Variants in PTPRD observed in about 807,000 individuals in gnomAD.
PTPRD encodes protein tyrosine phosphatase receptor type D, also known as receptor-type tyrosine-protein phosphatase delta.
Under a neutral mutation model 214.5 loss-of-function variants are expected in PTPRD, and 34 were observed. That is an observed-to-expected ratio of 0.16 (90% CI 0.12 to 0.21). The LOEUF is 0.21. Ranked by LOEUF, PTPRD falls within the 10% of genes least tolerant of loss-of-function variation. The pLI is 1.00. For synonymous variants in PTPRD, 1,128 were observed against 845.7 expected, an observed-to-expected ratio of 1.33 and a Z score of -5.79; for missense variants, 2,545 against 2,398.7, an observed-to-expected ratio of 1.06 and a Z score of -1.27.
chr9:8,575,686 C>A (rs370163053), intron 14 of PTPRD, among the ~76,000 whole-genome samples: 1 of 152,146 alleles, frequency 6.6e-6, no homozygotes, highest in East Asian at 1.9e-4. Flanking sequence ...AGAAGGCTCA[C>A]TTTTTGCTCA....
chr9:9,529,545 T>C lies in PTPRD; in HGVS notation c.-237+45187A>G, dbSNP rs186839690. ...AAAAGATGATCAACATCATTAGTCA[T>C]TGGAGAAATGCAAAACAAAACCACA... On this transcript the variant is annotated intron_variant, in intron 8 of 45. Transcript: ENST00000381196. Among the ~76,000 whole-genome samples, 16 of 152,172 alleles carry C rather than the reference T, an allele frequency of 1.1e-4. No homozygotes were observed. The East Asian group carries it at 2.5e-3, about 24-fold the overall frequency.
At chr9:9,818,808 C>T (rs894236997) in intron 5 of PTPRD, among the ~76,000 whole-genome samples, 3 of 149,502 alleles carry the variant, frequency 2.0e-5, no homozygotes, top group Non-Finnish European at 3.0e-5. Context: ...CCCAGCTACT[C>T]GGGAGGCTGA....
intron 36 of PTPRD, among the ~76,000 whole-genome samples, chr9:8,395,454 G>A (rs557912333): frequency 3.3e-5 from 5 of 151,518 alleles, no homozygotes; most frequent in East Asian, 3.9e-4. Context: ...CCTTTCCCCC[G>A]ACCCTTCACC....
intron 26 of PTPRD, among the ~76,000 whole-genome samples, chr9:8,494,956 C>T (rs1240822938): frequency 1.3e-5 from 2 of 152,116 alleles, no homozygotes; most frequent in African/African-American, 4.8e-5. Context: ...CCTGTCTCCA[C>T]TTTGCTTCTT....
At chr9:8,990,849 G>A (rs868738609) in intron 11 of PTPRD, among the ~76,000 whole-genome samples, 3 of 151,996 alleles carry the variant, frequency 2.0e-5, no homozygotes, top group South Asian at 2.1e-4. Flanking sequence ...GTCTACTGCC[G>A]TAAGATTATA....
chr9:8,466,982 G>C (rs2096557046), intron 31 of PTPRD, among the ~76,000 whole-genome samples: 1 of 151,826 alleles, frequency 6.6e-6, no homozygotes, highest in South Asian at 2.1e-4. Flanking sequence ...TTAGGAATTT[G>C]ATCGTACGTT....
At chr9:10,220,898 C>G (rs1024844639) in intron 3 of PTPRD, among the ~76,000 whole-genome samples, 29 of 150,918 alleles carry the variant, frequency 1.9e-4, no homozygotes, top group African/African-American at 6.6e-4. Context: ...AGAGAGAAAG[C>G]TAAAGGGCAC....
chr9:8,931,818 A>G (rs547345162), intron 11 of PTPRD, among the ~76,000 whole-genome samples: 34 of 152,158 alleles, frequency 2.2e-4, no homozygotes, highest in Non-Finnish European at 4.4e-4. Flanking sequence ...TTGGTAGGCT[A>G]TTGACTACTG....
intron 32 of PTPRD, 44 bp downstream of exon 32, chr9:8,465,422 T>G (rs756370103): frequency 7.7e-6 from 12 of 1,553,842 alleles, no homozygotes; most frequent in Non-Finnish European, 1.1e-5. Flanking sequence ...AGTGAAAATG[T>G]ATAAGCGTAC....
intron 4 of PTPRD, among the ~76,000 whole-genome samples, chr9:10,033,140 C>A (rs2097113286): frequency 6.6e-6 from 1 of 150,886 alleles, no homozygotes; most frequent in Non-Finnish European, 1.5e-5. Context: ...CACTCATACA[C>A]ACACAAACCT....
At chr9:8,895,922 A>G (rs765635245) in intron 11 of PTPRD, among the ~76,000 whole-genome samples, 2 of 152,142 alleles carry the variant, frequency 1.3e-5, no homozygotes, top group Non-Finnish European at 2.9e-5. Context: ...GGTTCAGCAC[A>G]CTCCTAGGAG....
At chr9:10,129,072 C>A (rs1392540628) in intron 3 of PTPRD, among the ~76,000 whole-genome samples, 1 of 152,002 alleles carries the variant, frequency 6.6e-6, no homozygotes, top group Admixed American at 6.6e-5. Flanking sequence ...AAGACATTTT[C>A]CAATGTAACA....
intron 7 of PTPRD, among the ~76,000 whole-genome samples, chr9:9,650,800 T>C (rs1594225681): frequency 6.6e-6 from 1 of 152,116 alleles, no homozygotes; most frequent in Non-Finnish European, 1.5e-5. Flanking sequence ...ATCTTCAGTA[T>C]GTCATATTTC....
chr9:9,780,505 G>T (rs2098834715), intron 5 of PTPRD, among the ~76,000 whole-genome samples: 2 of 152,158 alleles, frequency 1.3e-5, no homozygotes, highest in South Asian at 4.1e-4. Context: ...ATGAAAAGAT[G>T]CTGATCATAT....
intron 39 of PTPRD, among the ~76,000 whole-genome samples, chr9:8,368,505 A>G (rs921981889): frequency 3.3e-5 from 5 of 152,054 alleles, no homozygotes; most frequent in African/African-American, 9.7e-5. Flanking sequence ...ATAGTATTGT[A>G]TTACTATTGG....
At chr9:9,798,995 G>C (rs1249414418) in intron 5 of PTPRD, among the ~76,000 whole-genome samples, 2 of 152,094 alleles carry the variant, frequency 1.3e-5, no homozygotes, top group African/African-American at 2.4e-5. Flanking sequence ...TTTCACATTA[G>C]ATCCCCATCT....
At chr9:10,410,459 T>A (rs2098422895) in intron 2 of PTPRD, among the ~76,000 whole-genome samples, 1 of 151,308 alleles carries the variant, frequency 6.6e-6, no homozygotes. Context: ...TTGCCTTTGA[T>A]AATTATACTT....
chr9:8,769,937 G>C (rs2095069370), intron 11 of PTPRD, among the ~76,000 whole-genome samples: 1 of 152,060 alleles, frequency 6.6e-6, no homozygotes, highest in African/African-American at 2.4e-5. Flanking sequence ...AATAAGAAAT[G>C]ATCTGCCAAA....
intron 2 of PTPRD, among the ~76,000 whole-genome samples, chr9:10,367,477 T>C (rs1197384918): frequency 1.3e-5 from 2 of 152,140 alleles, no homozygotes; most frequent in African/African-American, 2.4e-5. Flanking sequence ...TTTGTGGGGA[T>C]ACAAGGAACA....
Sources: gnomAD v4.1 joint callset for allele counts (sites outside exome capture counted in the v4.1 genomes callset) on GRCh38, gnomAD v4.1.1 for gene constraint, MANE v1.5 for transcripts, NCBI Gene and HGNC (gene_info 2026-07-23, HGNC 2026-07-21) for gene names.